The following RASGRF2 variants were observed in gnomAD, a reference collection of about 807,000 sequenced individuals.
The protein encoded by RASGRF2 is Ras protein specific guanine nucleotide releasing factor 2, also known as ras-specific guanine nucleotide-releasing factor 2.
A neutral mutation model predicts 151.0 loss-of-function variants in RASGRF2; 76 were observed. The observed-to-expected ratio is 0.50, with a 90% CI of 0.42 to 0.61. The LOEUF (loss-of-function observed/expected upper bound fraction) is 0.61. RASGRF2 is among the 20% of genes least tolerant of loss of function. RASGRF2 has a pLI of 0.00. For synonymous variants in RASGRF2, 504 were observed against 566.5 expected (o/e 0.89, Z 1.57); for missense variants, 1,148 against 1,564.6 (o/e 0.73, Z 4.49).
intron 15 of RASGRF2, among the ~76,000 whole-genome samples, chr5:81,116,976 T>C (rs554232911): frequency 6.6e-6 from 1 of 152,366 alleles, no homozygotes; most frequent in South Asian, 2.1e-4. Flanking sequence ...CTCTTGGCTG[T>C]TTGAATAACG....
At chr5:80,983,883 T>C (rs984646944) in intron 1 of RASGRF2, among the ~76,000 whole-genome samples, 2 of 152,254 alleles carry the variant, frequency 1.3e-5, no homozygotes, top group Admixed American at 1.3e-4. Flanking sequence ...TATTTCTCTT[T>C]ACTTCTTTTT....
intron 2 of RASGRF2, among the ~76,000 whole-genome samples, chr5:81,044,067 G>A (rs1006172251): frequency 6.6e-6 from 1 of 152,164 alleles, no homozygotes; most frequent in Non-Finnish European, 1.5e-5. Flanking sequence ...TCTGAGTGAA[G>A]CGCATTGCTA....
At chr5:81,000,398 T>C (rs1030791969) in intron 1 of RASGRF2, among the ~76,000 whole-genome samples, 10 of 152,324 alleles carry the variant, frequency 6.6e-5, no homozygotes, top group African/African-American at 2.4e-4. Flanking sequence ...CCTACCACCA[T>C]GCCTGGCTAA....
At chr5:81,002,059 G>A (rs1028386282) in intron 1 of RASGRF2, among the ~76,000 whole-genome samples, 46 of 152,346 alleles carry the variant, frequency 3.0e-4, no homozygotes, top group African/African-American at 1.1e-3. Context: ...AAATGGCTTT[G>A]CAGCAGTGGT....
intron 17 of RASGRF2, among the ~76,000 whole-genome samples, chr5:81,171,528 C>G (rs1229272701): frequency 7.1e-6 from 1 of 140,640 alleles, no homozygotes; most frequent in Non-Finnish European, 1.5e-5. Flanking sequence ...TCAGAAAATT[C>G]AAAGTGTGTT....
rs757538013 is a variant in RASGRF2, at chr5:81,123,796, G to A, written c.2596+29G>A. 2.5e-6 allele frequency: 4 copies of A among 1,588,656 alleles called. No individual in the cohort carries two copies. The South Asian group carries it at 3.4e-5, about 14-fold the overall frequency. The stretch of plus-strand genomic sequence containing the variant: ...AGAGCTCAAGAGGGACTCAGAAATA[G>A]AAACGTGAAAAATGATTTCTAGCTT... On this transcript the variant is annotated intron_variant, in intron 16 of 26. Coordinates refer to ENST00000265080, the MANE Select transcript of RASGRF2 (RefSeq NM_006909.3).
chr5:81,199,663 C>A (rs1053557155), intron 18 of RASGRF2, among the ~76,000 whole-genome samples: 1 of 151,896 alleles, frequency 6.6e-6, no homozygotes, highest in Non-Finnish European at 1.5e-5. Context: ...TTTGGGAGGC[C>A]AAGGCAGGCA....
chr5:81,107,024 C>G (rs1752865134), intron 12 of RASGRF2, among the ~76,000 whole-genome samples: 1 of 152,042 alleles, frequency 6.6e-6, no homozygotes, highest in African/African-American at 2.4e-5. Context: ...ATTGTACTTT[C>G]AGCTGTTTAT....
intron 17 of RASGRF2, among the ~76,000 whole-genome samples, chr5:81,164,378 A>G (rs546565942): frequency 6.6e-6 from 1 of 152,218 alleles, no homozygotes; most frequent in Non-Finnish European, 1.5e-5. Context: ...TACTTTTGGA[A>G]AGTTGTTTTT....
chr5:80,983,963 G>T (rs940498150), intron 1 of RASGRF2, among the ~76,000 whole-genome samples: 2 of 152,120 alleles, frequency 1.3e-5, no homozygotes, highest in African/African-American at 4.8e-5. Flanking sequence ...TATTTCTGTT[G>T]TCCAGTGCTG....
intron 12 of RASGRF2, among the ~76,000 whole-genome samples, chr5:81,104,318 T>C (rs1284362812): frequency 1.3e-5 from 2 of 152,070 alleles, no homozygotes; most frequent in Non-Finnish European, 2.9e-5. Context: ...AAAGTCTATA[T>C]CTATTCATTT....
intron 25 of RASGRF2, 94 bp from the exon 26 acceptor site, chr5:81,219,616 C>T (rs1045930635): frequency 1.9e-6 from 2 of 1,040,822 alleles, no homozygotes; most frequent in Non-Finnish European, 2.9e-6. Context: ...ACTGACCCTT[C>T]TGGGAAGAGG....
chr5:81,083,337 C>A (rs1043378605), intron 7 of RASGRF2, among the ~76,000 whole-genome samples: 61 of 151,118 alleles, frequency 4.0e-4, no homozygotes, highest in Non-Finnish European at 6.8e-4. Flanking sequence ...TGCCAAGAGA[C>A]CTCTGTCCAG....
rs192856407 is a variant in RASGRF2 at position 81,095,226 on chromosome 5, G to A, written c.1755+234G>A. Reference sequence around the variant, plus strand: ...ATGTAGTAATTGGATTTTAGTTCCTGGGCATTTTACACCAGCAGCAAATGT... The same window carrying A: ...ATGTAGTAATTGGATTTTAGTTCCTAGGCATTTTACACCAGCAGCAAATGT... On this transcript the variant is annotated intron_variant, in intron 12 of 26. Coordinates refer to ENST00000265080, the MANE Select transcript of RASGRF2 (RefSeq NM_006909.3). 3.5e-3 allele frequency among the ~76,000 whole-genome samples: 527 copies of A among 152,186 alleles called. 5 individuals are homozygous for A. Among genetic ancestry groups the A allele is most frequent in the African/African-American group, 0.012 (508 of 41,512 alleles).
intron 18 of RASGRF2, among the ~76,000 whole-genome samples, chr5:81,180,574 AG>A (rs1001069396): frequency 2.0e-5 from 3 of 152,048 alleles, no homozygotes; most frequent in African/African-American, 7.2e-5. Flanking sequence ...AGCCACAACA[AG>A]GCCTCTGTGC....
rs747180986 is a variant in RASGRF2 at position 81,092,824 on chromosome 5, G to A, written c.1414G>A (p.Val472Ile). The A allele has an allele frequency of 2.9e-5, 46 of 1,613,306 alleles. No individual in the cohort carries two copies. The highest frequency in any genetic ancestry group is 5.0e-5 in the Admixed American group (3 of 59,936). ...AGGTTCTCTTATTCAAGTACCTTCC[G>A]TTGAGAGGGGGAAACTTAGTAAAGT... ...RQGSLIQVPS[V>I]ERGKLSKVRL... The change falls in exon 10 of 27, where the codon GTT becomes ATT. Residue 472 changes from valine (V) to isoleucine (I), a missense_variant. Physicochemically the swap from Val to Ile is conservative, Grantham distance 29. Coordinates refer to ENST00000265080, the MANE Select transcript of RASGRF2 (RefSeq NM_006909.3).
At position 81,087,793 on chromosome 5, in the gene RASGRF2, CAAATT is replaced by C. The variant is rs1487783193; in HGVS notation, c.1390+843_1390+847del. 7 of 178,170 alleles carry C rather than the reference CAAATT, an allele frequency of 3.9e-5. No homozygotes were observed. In the East Asian group the frequency reaches 4.4e-4, roughly 11 times the overall value. 11.0% of individuals were successfully genotyped at this position (178,170 alleles called of 1,614,324 possible). A position where few individuals can be genotyped will look rare whatever the true frequency, so the allele number is the denominator to read the frequency against. ...AGGAGTGGAATATAAATTTGGAACT[CAAATT>C]AATCGTTAATGTAGTTTCTGTTTAT... is the stretch of plus-strand genomic sequence containing the variant. On this transcript the variant is annotated intron_variant, in intron 9 of 26. Coordinates refer to ENST00000265080, the MANE Select transcript of RASGRF2 (RefSeq NM_006909.3).
intron 5 of RASGRF2, among the ~76,000 whole-genome samples, chr5:81,077,934 T>A (rs1464126042): frequency 6.6e-6 from 1 of 152,216 alleles, no homozygotes; most frequent in Admixed American, 6.5e-5. Flanking sequence ...TTTATCATAT[T>A]GTTTAAATTC....
intron 1 of RASGRF2, among the ~76,000 whole-genome samples, chr5:80,967,594 T>C (rs1356558671): frequency 6.6e-6 from 1 of 152,234 alleles, no homozygotes; most frequent in Non-Finnish European, 1.5e-5. Context: ...GTGTTTCATT[T>C]TGTCATTGTC....
Sources: allele counts gnomAD v4.1 joint callset (sites outside exome capture counted in the v4.1 genomes callset), GRCh38; gene constraint gnomAD v4.1.1; transcripts MANE v1.5; gene names NCBI Gene and HGNC (gene_info 2026-07-23, HGNC 2026-07-21).